The following FAM136A variants were observed in gnomAD, a reference collection of about 807,000 sequenced individuals.
FAM136A encodes TIM double twin CX3C motif chaperone.
FAM136A carries 25 observed loss-of-function variants against 21.6 expected under a neutral mutation model. The observed-to-expected ratio is 1.16, with a 90% CI of 0.84 to 1.62. The LOEUF is 1.62. FAM136A is among the 40% of genes most tolerant of loss of function. The pLI, the probability that FAM136A is intolerant of heterozygous loss-of-function variation, is 0.00. For missense variants in FAM136A, 338 were observed against 332.0 expected (o/e 1.02, Z -0.14); for synonymous variants, 119 against 129.4 (o/e 0.92, Z 0.55).
intron 1 of FAM136A, 23 bp from the exon 2 acceptor site, chr2:70,301,003 T>A: frequency 3.8e-6 from 6 of 1,597,410 alleles, no homozygotes; most frequent in Non-Finnish European, 5.1e-6. Context: ...GGCAGAGAGG[T>A]TAGGTAGGAA....
At chr2:70,300,337 CT>C (rs985732131) in intron 2 of FAM136A, among the ~76,000 whole-genome samples, 2 of 150,998 alleles carry the variant, frequency 1.3e-5, no homozygotes, top group Non-Finnish European at 3.0e-5. Context: ...TACATCATTT[CT>C]TTTTTTTTGA....
In FAM136A at chr2:70,301,820, C is replaced by G. The variant is rs764208825; in HGVS notation, c.192G>C (p.Gln64His). 106 of 1,548,666 alleles carry G rather than the reference C, an allele frequency of 6.8e-5. No individual in the cohort carries two copies. Among genetic ancestry groups the G allele is most frequent in the Non-Finnish European group, 9.2e-5 (105 of 1,145,772 alleles). Residue 64 changes from glutamine (Q) to histidine (H), a missense_variant, in exon 1 of 3, where the codon CAG becomes CAC. Coordinates refer to ENST00000430566, the MANE Select transcript of FAM136A (RefSeq NM_001329752.2). ...GACCCCAGGGCCGCCCACACCCGGT[C>G]TGCGGGGACGCGGCTGCAGTGCAAG... ...ATPCTAAASP[Q>H]TGCGRPWGRR...
chr2:70,301,523 T>C (rs755871859), intron 1 of FAM136A, 81 bp downstream of exon 1: 36 of 1,535,980 alleles, frequency 2.3e-5, no homozygotes, highest in South Asian at 3.6e-5. Context: ...AGGCATGACC[T>C]GGCCAACGGG....
chr2:70,301,357 A>G, intron 1 of FAM136A: 1 of 1,485,706 alleles, frequency 6.7e-7, no homozygotes, highest in Non-Finnish European at 9.0e-7. Flanking sequence ...ACCAGAGGGC[A>G]GCCGACCCAC....
In FAM136A at chr2:70,296,639, A is replaced by T. The variant is rs1203733522; in HGVS notation, c.*650T>A. ...GAAAGATGCAGCATGTAATAATTTT[A>T]AGAAATGTACATCCACATCTTGATG... On this transcript the variant is annotated 3_prime_UTR_variant, in exon 3 of 3. Coordinates refer to ENST00000430566, the MANE Select transcript of FAM136A (RefSeq NM_001329752.2). 2.0e-5 allele frequency: 3 copies of T among 152,270 alleles called. No individual in the cohort carries two copies. The highest frequency in any genetic ancestry group is 4.4e-5 in the Non-Finnish European group (3 of 68,062). 9.4% of individuals were successfully genotyped at this position (152,270 alleles called of 1,614,324 possible).
In FAM136A at chr2:70,302,050, C is replaced by G. The variant is rs1002328801; in HGVS notation, c.-39G>C. On this transcript the variant is annotated 5_prime_UTR_variant, in exon 1 of 3. Coordinates refer to ENST00000430566, the MANE Select transcript of FAM136A (RefSeq NM_001329752.2). ...TGCCCCGCGGCGCTCCGCGCCGGCGCCCATATGGAATCGGCGTACGGGCCC... is the reference window on the plus strand; with the variant it reads ...TGCCCCGCGGCGCTCCGCGCCGGCGGCCATATGGAATCGGCGTACGGGCCC... 4.5e-6 allele frequency: 7 copies of G among 1,541,652 alleles called. No individual in the cohort carries two copies. Among genetic ancestry groups the G allele is most frequent in the Non-Finnish European group, 6.1e-6 (7 of 1,148,756 alleles).
At position 70,296,879 on chromosome 2, in the gene FAM136A, T is replaced by C. The variant is rs1220517682; in HGVS notation, c.*410A>G. 6.4e-6 allele frequency: 1 copy of C among 156,390 alleles called. No homozygotes were observed. The highest frequency in any genetic ancestry group is 1.9e-4 in the East Asian group (1 of 5,358). The allele number at this position is 156,390 out of a possible 1,614,324, so 9.7% of individuals were successfully genotyped here. ...GAAGATGGTGGGGTGACACTTTTGG[T>C]AAACAGGATGTTGGCAACAAAGAGA... is the stretch of plus-strand genomic sequence containing the variant. On this transcript the variant is annotated 3_prime_UTR_variant, in exon 3 of 3. Transcript: ENST00000430566.
intron 2 of FAM136A, among the ~76,000 whole-genome samples, chr2:70,299,028 G>C (rs943137756): frequency 6.6e-6 from 1 of 152,170 alleles, no homozygotes; most frequent in African/African-American, 2.4e-5. Flanking sequence ...AGCAATCCAA[G>C]AATCACATTT....
chr2:70,298,058 C>T (rs1180723712), intron 2 of FAM136A, among the ~76,000 whole-genome samples: 1 of 151,802 alleles, frequency 6.6e-6, no homozygotes, highest in Non-Finnish European at 1.5e-5. Flanking sequence ...AATGAGAGGT[C>T]CCTAGAGGTT....
chr2:70,299,207 A>G (rs1381619574), intron 2 of FAM136A, among the ~76,000 whole-genome samples: 3 of 152,224 alleles, frequency 2.0e-5, no homozygotes, highest in African/African-American at 7.2e-5. Flanking sequence ...ATGTGGATGG[A>G]ACCTCAGGCT....
chr2:70,297,586 GTCAAT>G, intron 2 of FAM136A, 109 bp from the exon 3 acceptor site: 1 of 936,186 alleles, frequency 1.1e-6, no homozygotes, highest in Non-Finnish European at 1.5e-6. Context: ...TATTATCTTG[GTCAAT>G]TAAAGGGACA....
chr2:70,297,394 C>T lies in FAM136A; in HGVS notation c.633G>A (p.Lys211=). ...TGGTCACACAACTGTCCAGCTGCTG[C>T]TTCACCTGAAGCTCCTTACTCCCAG... ...IDAGSKELQV[K]QQLDSCVTKC... is the part of the protein sequence containing the mutation. The change falls in exon 3 of 3, where the codon AAG becomes AAA. Residue 211 remains lysine, a synonymous_variant. Transcript: ENST00000430566. 6.2e-7 allele frequency: 1 copy of T among 1,614,058 alleles called. No individual in the cohort carries two copies.
At position 70,302,046 on chromosome 2, in the gene FAM136A, G is replaced by C; in HGVS notation, c.-35C>G. 1 of 1,543,064 alleles carries C rather than the reference G, an allele frequency of 6.5e-7. No homozygotes were observed. ...GCGCTGCCCCGCGGCGCTCCGCGCC[G>C]GCGCCCATATGGAATCGGCGTACGG... On this transcript the variant is annotated 5_prime_UTR_variant, in exon 1 of 3. Transcript: ENST00000430566.
chr2:70,301,617 C>A lies in FAM136A; in HGVS notation c.395G>T (p.Arg132Leu). The stretch of plus-strand genomic sequence containing the variant: ...CGGGCCGCTCACCTGCGGAAGGGGC[C>A]GCGTAAGAGGGGAAGGTGGTGGGGC... ...ALAPPPSPLT[R>L]PLPQGLMFRC... is the part of the protein sequence containing the mutation. Residue 132 changes from arginine (R) to leucine (L), a missense_variant, in exon 1 of 3, where the codon CGG (arginine) becomes CTG (leucine). Transcript: ENST00000430566. 6.5e-7 allele frequency: 1 copy of A among 1,535,926 alleles called. No homozygotes were observed. The highest frequency in any genetic ancestry group is 1.2e-5 in the South Asian group (1 of 84,054).
At position 70,301,700 on chromosome 2, in the gene FAM136A, G is replaced by A. The variant is rs1429465707; in HGVS notation, c.312C>T (p.Ser104=). ...GCCGAGGACGCTCCTGCCCCGGGCT[G>A]GAAGGGGCGGAAAACAGCCTCGCGC... is the stretch of plus-strand genomic sequence containing the variant. ...LPCARLFSAP[S]SPGQERPRRQ... The change falls in exon 1 of 3, where the codon TCC becomes TCT. Residue 104 remains serine, a synonymous_variant. Transcript: ENST00000430566. 1.3e-6 allele frequency: 2 copies of A among 1,535,586 alleles called. No homozygotes were observed. Among genetic ancestry groups the A allele is most frequent in the Non-Finnish European group, 1.7e-6 (2 of 1,146,366 alleles).
chr2:70,300,664 C>T, intron 2 of FAM136A, 176 bp downstream of exon 2: 1 of 672,338 alleles, frequency 1.5e-6, no homozygotes, highest in South Asian at 2.4e-5. Context: ...ACTTAAGGCA[C>T]TCGACCGCCA....
In FAM136A at chr2:70,301,871, G is replaced by T. The variant is rs997187043; in HGVS notation, c.141C>A (p.Gly47=). The change falls in exon 1 of 3, where the codon GGC becomes GGA. Residue 47 remains glycine (G), a synonymous_variant. Coordinates refer to ENST00000430566, the MANE Select transcript of FAM136A (RefSeq NM_001329752.2). ...GCGTCGCGTGGTGGCTGAGGGAAGG[G>T]CCCGGAACCCACCCGCTGAGAAGGG... ...QDPLLSGWVP[G]PSLSHHATPC... 1 of 1,562,436 alleles carries T rather than the reference G, an allele frequency of 6.4e-7. No individual in the cohort carries two copies. Among genetic ancestry groups the T allele is most frequent in the African/African-American group, 1.4e-5 (1 of 73,730 alleles).
In FAM136A at chr2:70,300,219, G is replaced by A. The variant is rs149475851; in HGVS notation, c.549+621C>T. Among the ~76,000 whole-genome samples the A allele has an allele frequency of 6.5e-3, 985 of 151,874 alleles. 12 individuals carry two copies. The highest frequency in any genetic ancestry group is 0.022 in the African/African-American group (895 of 41,466). On this transcript the variant is annotated intron_variant, in intron 2 of 2. Transcript: ENST00000430566. ...CAGCCAGGAAACTTTATACTACACAGTATACATTCTGTATTTGGTGGTTAT... is the reference window on the plus strand; with the variant it reads ...CAGCCAGGAAACTTTATACTACACAATATACATTCTGTATTTGGTGGTTAT...
chr2:70,301,205 C>A (rs1169165786), intron 1 of FAM136A: 3 of 786,732 alleles, frequency 3.8e-6, no homozygotes, highest in Non-Finnish European at 3.9e-6. Flanking sequence ...GCTAGCTCAT[C>A]GGCACCTGTT....
Sources: gnomAD v4.1 joint callset for allele counts (sites outside exome capture counted in the v4.1 genomes callset) on GRCh38, gnomAD v4.1.1 for gene constraint, MANE v1.5 for transcripts, NCBI Gene and HGNC (gene_info 2026-07-23, HGNC 2026-07-21) for gene names.